The following KIF26B variants were observed in gnomAD, a reference collection of about 807,000 sequenced individuals.
The protein encoded by KIF26B is kinesin-like protein KIF26B.
Under a neutral mutation model 151.2 loss-of-function variants are expected in KIF26B, and 63 were observed. The ratio of observed to expected loss-of-function variants is 0.42; its 90% CI spans 0.34 to 0.51. KIF26B has a LOEUF of 0.51. KIF26B is among the 20% of genes least tolerant of loss of function. KIF26B has a pLI of 0.07. For synonymous variants in KIF26B, 1,357 were observed against 1,262.1 expected (o/e 1.08, Z -1.59); for missense variants, 2,813 against 2,913.6 (o/e 0.97, Z 0.79).
chr1:245,255,897 C>T (rs1670524852), intron 2 of KIF26B, among the ~76,000 whole-genome samples: 1 of 152,186 alleles, frequency 6.6e-6, no homozygotes, highest in African/African-American at 2.4e-5. Context: ...TCTTTGGTTT[C>T]ACATAACCCA....
At chr1:245,494,741 A>G (rs777814001) in intron 4 of KIF26B, among the ~76,000 whole-genome samples, 5 of 152,246 alleles carry the variant, frequency 3.3e-5, no homozygotes, top group Non-Finnish European at 5.9e-5. Flanking sequence ...ATGGGAATTC[A>G]TAAAAAGAAA....
Position 245,155,381 on chromosome 1 carries a change from A to G in KIF26B, c.-44A>G. 1 of 1,518,192 alleles carries G rather than the reference A, an allele frequency of 6.6e-7. No individual in the cohort carries two copies. The highest frequency in any genetic ancestry group is 9.1e-7 in the Non-Finnish European group (1 of 1,104,904). The allele number at this position is 1,518,192 out of a possible 1,614,324, so 94.0% of individuals were successfully genotyped here. On this transcript the variant is annotated 5_prime_UTR_variant, in exon 1 of 15. It removes the in-frame stop codon of an upstream open reading frame in the 5' UTR. Transcript: ENST00000407071. ...CTGGGTTGGAGGACCTTCTGGATGT[A>G]GCGTCGGTGGAACCTTTAGATACTC...
chr1:245,351,462 C>T (rs1672568429), intron 2 of KIF26B, among the ~76,000 whole-genome samples: 1 of 152,028 alleles, frequency 6.6e-6, no homozygotes, highest in South Asian at 2.1e-4. Flanking sequence ...CCGTCTTAAA[C>T]ATAGGGAAAA....
intron 2 of KIF26B, among the ~76,000 whole-genome samples, chr1:245,176,655 A>G (rs1457302980): frequency 1.3e-5 from 2 of 152,196 alleles, no homozygotes; most frequent in African/African-American, 4.8e-5. Context: ...AAAGGCTTCT[A>G]GGAAACTGTG....
chr1:245,634,523 A>AT (rs950763777), intron 9 of KIF26B, among the ~76,000 whole-genome samples: 5 of 152,284 alleles, frequency 3.3e-5, no homozygotes, highest in East Asian at 1.9e-4. Context: ...ATTGCTGAGG[A>AT]TTTTTTATCA....
At chr1:245,502,208 G>A (rs1363935443) in intron 4 of KIF26B, among the ~76,000 whole-genome samples, 1 of 152,140 alleles carries the variant, frequency 6.6e-6, no homozygotes, top group Non-Finnish European at 1.5e-5. Flanking sequence ...TTGAGAATGA[G>A]TTGGAGTGAG....
chr1:245,541,837 C>G (rs974184248), intron 5 of KIF26B, among the ~76,000 whole-genome samples: 1 of 152,126 alleles, frequency 6.6e-6, no homozygotes, highest in Non-Finnish European at 1.5e-5. Flanking sequence ...CGCAGACTGC[C>G]AGTCCCCTGG....
intron 2 of KIF26B, among the ~76,000 whole-genome samples, chr1:245,219,053 C>G (rs772317321): frequency 6.7e-6 from 1 of 149,198 alleles, no homozygotes; most frequent in Non-Finnish European, 1.5e-5. Flanking sequence ...TTGTTCTGAC[C>G]GTGGGTTACT....
chr1:245,369,302 A>G (rs1558139020), intron 3 of KIF26B, among the ~76,000 whole-genome samples: 2 of 152,374 alleles, frequency 1.3e-5, no homozygotes, highest in Non-Finnish European at 2.9e-5. Flanking sequence ...GAACAAGTCG[A>G]GTGAACACAT....
chr1:245,272,432 C>A (rs1000762899), intron 2 of KIF26B, among the ~76,000 whole-genome samples: 1 of 152,040 alleles, frequency 6.6e-6, no homozygotes, highest in African/African-American at 2.4e-5. Context: ...AAAAACAGAT[C>A]ATTAATTTTG....
chr1:245,184,053 T>TTTTTTTTTTTTTTG (rs1668958625), intron 2 of KIF26B, among the ~76,000 whole-genome samples: 1 of 78,334 alleles, frequency 1.3e-5, no homozygotes, highest in African/African-American at 7.2e-5. Flanking sequence ...AGTTGTTGTT[T>TTTTTTTTTTTTTTG]TTTTTTTTTT....
rs771888265 is a variant in KIF26B at position 245,686,513 on chromosome 1, A to G, written c.3530A>G (p.Gln1177Arg). ...CTGAGCACCACGATGGTGACGGTGC[A>G]GCAGCCACTGGAGCTGAACGGTGAG... ...EILSTTMVTVQQPLELNGEDE... is the reference protein window; with the variant it reads ...EILSTTMVTVRQPLELNGEDE... The change falls in exon 12 of 15, where the codon CAG becomes CGG. Residue 1177 changes from glutamine to arginine, a missense_variant. Physicochemically the swap from Gln to Arg is conservative, Grantham distance 43. Around this residue, in one of 3 missense-constraint regions of KIF26B, gnomAD observed 2,060 missense variants for 2,088.6 expected, o/e 0.99. Coordinates refer to ENST00000407071, the MANE Select transcript of KIF26B (RefSeq NM_018012.4). This position sits in a 1 kb window ranked among gnomAD's most constrained non-coding sequence, Gnocchi z 5.6. 1.9e-6 allele frequency: 3 copies of G among 1,612,472 alleles called. No individual in the cohort carries two copies. The highest frequency in any genetic ancestry group is 2.5e-6 in the Non-Finnish European group (3 of 1,179,738).
chr1:245,662,373 T>TAC (rs1312931961), intron 10 of KIF26B, among the ~76,000 whole-genome samples: 2 of 107,422 alleles, frequency 1.9e-5, no homozygotes, highest in East Asian at 3.2e-4. Context: ...CAGTGATATA[T>TAC]ACACACACAC....
chr1:245,654,216 C>T (rs147093639), intron 10 of KIF26B, among the ~76,000 whole-genome samples: 109 of 151,412 alleles, frequency 7.2e-4, no homozygotes, highest in African/African-American at 1.8e-3. Flanking sequence ...ATGTAAAATA[C>T]GAAAGGTAAA....
intron 2 of KIF26B, among the ~76,000 whole-genome samples, chr1:245,323,863 A>T (rs953176096): frequency 1.3e-5 from 2 of 151,514 alleles, no homozygotes; most frequent in Admixed American, 1.3e-4. Flanking sequence ...GTTGGTGTGG[A>T]CCCTGCCGTG....
chr1:245,592,240 C>T (rs998186737), intron 5 of KIF26B, among the ~76,000 whole-genome samples: 2 of 152,204 alleles, frequency 1.3e-5, no homozygotes, highest in Non-Finnish European at 2.9e-5. Context: ...GCTCACCCAG[C>T]GGCACCTCGG....
chr1:245,178,270 A>G (rs1211229568), intron 2 of KIF26B, among the ~76,000 whole-genome samples: 2 of 152,190 alleles, frequency 1.3e-5, no homozygotes, highest in Non-Finnish European at 2.9e-5. Flanking sequence ...GCACAACCGT[A>G]TATCCGAGGT....
At chr1:245,362,030 T>C (rs757875362) in intron 2 of KIF26B, among the ~76,000 whole-genome samples, 1 of 151,734 alleles carries the variant, frequency 6.6e-6, no homozygotes, top group Non-Finnish European at 1.5e-5. Context: ...TGGGAGCTCA[T>C]GAACAACAGG....
chr1:245,487,626 G>T (rs796907361), intron 4 of KIF26B, among the ~76,000 whole-genome samples: 24 of 152,022 alleles, frequency 1.6e-4, no homozygotes, highest in African/African-American at 5.8e-4. Context: ...TTGAGACAGG[G>T]TCTCAGTCCA....
Sources: allele counts gnomAD v4.1 joint callset (sites outside exome capture counted in the v4.1 genomes callset), GRCh38; gene constraint gnomAD v4.1.1; regional missense constraint gnomAD v4.1.1; non-coding constraint Gnocchi (gnomAD v3.1); transcripts MANE v1.5; gene names NCBI Gene and HGNC (gene_info 2026-07-23, HGNC 2026-07-21).